The following PTP4A1 variants were observed in gnomAD, a reference collection of about 807,000 sequenced individuals.
PTP4A1 encodes the protein protein tyrosine phosphatase 4A1.
PTP4A1 carries 9 observed loss-of-function variants against 20.5 expected under a neutral mutation model. The observed-to-expected ratio is 0.44, with a 90% confidence interval of 0.26 to 0.77. The LOEUF is 0.77. Among genes scored for constraint, PTP4A1 ranks in the 30% least tolerant of loss-of-function variants. The probability of loss-of-function intolerance (pLI) is 0.19; values close to 1 mark genes in which losing one functional copy is unlikely to be tolerated. For missense variants in PTP4A1, 137 were observed against 218.8 expected, an observed-to-expected ratio of 0.63 and a Z score of 2.36; for synonymous variants, 78 against 67.4, an observed-to-expected ratio of 1.16 and a Z score of -0.77.
intron 3 of PTP4A1, 119 bp from the exon 4 acceptor site, chr6:63,578,779 A>T: frequency 1.7e-6 from 2 of 1,187,956 alleles, no homozygotes; most frequent in Non-Finnish European, 2.2e-6. Context: ...GTTTAATAAG[A>T]TTTGATTAAA....
rs149271673 is a variant in PTP4A1, at chr6:63,523,478, T to C, written c.-906+1652T>C. Reference sequence around the variant, plus strand: ...GTGAGCCATGATCGTGCCACTGCACTCTAGCCTGGGCAACAGAGTGAGACT... The same window carrying C: ...GTGAGCCATGATCGTGCCACTGCACCCTAGCCTGGGCAACAGAGTGAGACT... On this transcript the variant is annotated intron_variant, in intron 1 of 3. Transcript: ENST00000639568. Among the ~76,000 whole-genome samples the C allele has an allele frequency of 3.0e-3, 461 of 152,198 alleles. 4 individuals carry two copies. Among genetic ancestry groups the C allele is most frequent in the African/African-American group, 0.01 (422 of 41,550 alleles).
chr6:63,576,310 C>G (rs374169519), intron 1 of PTP4A1, 126 bp from the exon 2 acceptor site: 13 of 386,848 alleles, frequency 3.4e-5, no homozygotes, highest in African/African-American at 2.5e-4. Context: ...AAGTAAAAGT[C>G]GATGAAGCGG....
chr6:63,580,263 C>G lies in PTP4A1; in HGVS notation c.*89C>G, dbSNP rs1363187862. 2.8e-6 allele frequency: 3 copies of G among 1,074,094 alleles called. No homozygotes were observed. The highest frequency in any genetic ancestry group is 4.2e-6 in the Non-Finnish European group (3 of 708,668). The allele number at this position is 1,074,094 out of a possible 1,614,324, so 66.5% of individuals were successfully genotyped here. A position where few individuals can be genotyped will look rare whatever the true frequency, so the allele number is the denominator to read the frequency against. ...TAGCCAACATGTTGGCTTAGTAAGT[C>G]TAATGAAGCTTCCATAGGAGTATTG... is the stretch of plus-strand genomic sequence containing the variant. On this transcript the variant is annotated 3_prime_UTR_variant, in exon 6 of 6. Coordinates refer to ENST00000626021, the MANE Select transcript of PTP4A1 (RefSeq NM_003463.5).
upstream of PTP4A1, among the ~76,000 whole-genome samples, chr6:63,518,766 C>A (rs1774820471): frequency 6.6e-6 from 1 of 152,144 alleles, no homozygotes; most frequent in South Asian, 2.1e-4. Flanking sequence ...ATGCAATAAT[C>A]ATAAATGTAC....
At position 63,578,549 on chromosome 6, in the gene PTP4A1, T is replaced by TA; in HGVS notation, c.198+21dup. On this transcript the variant is annotated intron_variant, in intron 3 of 5. Coordinates refer to ENST00000626021, the MANE Select transcript of PTP4A1 (RefSeq NM_003463.5). Reference sequence around the variant, plus strand: ...GTTCTTGTAAGTATTTAACAGTTCTTATGGGTTTATGGTGCTGTGCTACAA... The same window carrying TA: ...GTTCTTGTAAGTATTTAACAGTTCTTAATGGGTTTATGGTGCTGTGCTACAA... 1 of 1,603,458 alleles carries TA rather than the reference T, an allele frequency of 6.2e-7. No individual in the cohort carries two copies. The highest frequency in any genetic ancestry group is 8.5e-7 in the Non-Finnish European group (1 of 1,177,272).
intron 1 of PTP4A1, among the ~76,000 whole-genome samples, chr6:63,525,684 A>T: frequency 6.6e-6 from 1 of 152,168 alleles, no homozygotes; most frequent in South Asian, 2.1e-4. Context: ...AGTTTCCAAC[A>T]ACCCCAACCT....
At chr6:63,578,774 A>G in intron 3 of PTP4A1, 124 bp from the exon 4 acceptor site, 1 of 1,170,096 alleles carries the variant, frequency 8.5e-7, no homozygotes, top group Non-Finnish European at 1.1e-6. Context: ...ACAGGGTTTA[A>G]TAAGATTTGA....
chr6:63,567,381 G>C (rs1418966710), intron 3 of PTP4A1, among the ~76,000 whole-genome samples: 1 of 152,202 alleles, frequency 6.6e-6, no homozygotes, highest in Non-Finnish European at 1.5e-5. Context: ...TGTGTTAGAA[G>C]GCATGAAAAC....
At position 63,559,806 on chromosome 6, in the gene PTP4A1, G is replaced by A. The variant is rs562131340; in HGVS notation, c.-446+9313G>A. 1.1e-3 allele frequency among the ~76,000 whole-genome samples: 164 copies of A among 152,196 alleles called. 1 individual carries two copies. In the South Asian group the frequency reaches 0.013, roughly 12 times the overall value. On this transcript the variant is annotated intron_variant, in intron 3 of 3. Coordinates refer to the PTP4A1 transcript ENST00000639568. ...ATGGTCGTTCATGCATATAATACTA[G>A]CACTTTGGGAGTCTGAGGCAGGTTT... is the stretch of plus-strand genomic sequence containing the variant.
At chr6:63,539,601 C>A (rs983251601) in intron 2 of PTP4A1, among the ~76,000 whole-genome samples, 1 of 152,068 alleles carries the variant, frequency 6.6e-6, no homozygotes, top group African/African-American at 2.4e-5. Context: ...CATGGTGAAA[C>A]CCCGTCTCTA....
At chr6:63,545,669 C>T (rs1581924037) in intron 2 of PTP4A1, among the ~76,000 whole-genome samples, 1 of 151,876 alleles carries the variant, frequency 6.6e-6, no homozygotes. Context: ...TTTCCTGCCC[C>T]AGCCCTGGAA....
chr6:63,535,126 A>G lies in PTP4A1; in HGVS notation c.-640+7042A>G, dbSNP rs189837387. 2.4e-4 allele frequency among the ~76,000 whole-genome samples: 37 copies of G among 152,236 alleles called. 1 individual carries two copies. Among genetic ancestry groups the G allele is most frequent in the African/African-American group, 6.0e-4 (25 of 41,564 alleles). ...AACAGTATTTTAGGTAATAAAATAC[A>G]TGGGGTGTGGTCCCTGTGGATGAAG... On this transcript the variant is annotated intron_variant, in intron 2 of 3. Transcript: ENST00000639568.
chr6:63,536,118 G>A (rs1775715491), intron 2 of PTP4A1, among the ~76,000 whole-genome samples: 1 of 152,048 alleles, frequency 6.6e-6, no homozygotes, highest in Non-Finnish European at 1.5e-5. Context: ...CATCACCTGA[G>A]GCCAACAGTT....
intron 2 of PTP4A1, among the ~76,000 whole-genome samples, chr6:63,538,058 A>G (rs1362689483): frequency 6.6e-6 from 1 of 152,262 alleles, no homozygotes; most frequent in African/African-American, 2.4e-5. Flanking sequence ...TATCTCTGAA[A>G]TTATTTTGCA....
chr6:63,563,836 G>A (rs1777068421), intron 3 of PTP4A1, among the ~76,000 whole-genome samples: 1 of 152,150 alleles, frequency 6.6e-6, no homozygotes, highest in Non-Finnish European at 1.5e-5. Flanking sequence ...GAGAGACTAA[G>A]AACCCTGCAA....
At chr6:63,543,203 G>A (rs1043770032) in intron 2 of PTP4A1, among the ~76,000 whole-genome samples, 1 of 152,122 alleles carries the variant, frequency 6.6e-6, no homozygotes, top group Admixed American at 6.5e-5. Flanking sequence ...TGCCAGACTT[G>A]TCCCTGTTTT....
intron 3 of PTP4A1, among the ~76,000 whole-genome samples, chr6:63,553,946 A>G (rs773751364): frequency 5.3e-5 from 8 of 152,236 alleles, no homozygotes; most frequent in African/African-American, 9.6e-5. Flanking sequence ...CATCAAAGTT[A>G]GTGATATCAG....
upstream of PTP4A1, among the ~76,000 whole-genome samples, chr6:63,520,599 C>G (rs151149473): frequency 9.3e-3 from 1,408 of 151,174 alleles, 9 homozygotes; most frequent in Non-Finnish European, 0.014. Flanking sequence ...CCACTTCACT[C>G]CAGCCTGGGT....
chr6:63,535,219 T>G (rs1775666435), intron 2 of PTP4A1, among the ~76,000 whole-genome samples: 1 of 152,018 alleles, frequency 6.6e-6, no homozygotes, highest in African/African-American at 2.4e-5. Flanking sequence ...AATTCCAGCA[T>G]TTTGGGAGGC....
Sources: gnomAD v4.1 joint callset for allele counts (sites outside exome capture counted in the v4.1 genomes callset) on GRCh38, gnomAD v4.1.1 for gene constraint, MANE v1.5 for transcripts, NCBI Gene and HGNC (gene_info 2026-07-23, HGNC 2026-07-21) for gene names.